Variants in ACOT7 observed in about 807,000 individuals in gnomAD.
The protein encoded by ACOT7 is cytosolic acyl coenzyme A thioester hydrolase.
ACOT7 carries 12 observed loss-of-function variants against 40.2 expected under a neutral mutation model. The ratio of observed to expected loss-of-function variants is 0.30; its 90% confidence interval spans 0.19 to 0.48. The LOEUF is 0.48. Ranked by LOEUF, ACOT7 falls within the 20% of genes least tolerant of loss-of-function variation. ACOT7 has a pLI of 0.99. For missense variants in ACOT7, 395 were observed against 530.8 expected (o/e 0.74, Z 2.51); for synonymous variants, 228 against 219.5 (o/e 1.04, Z -0.34).
At chr1:6,393,143 A>ATCGGCGGGCGGGGGCGGCC in intron 1 of ACOT7, 114 bp downstream of exon 1, 1 of 1,111,570 alleles carries the variant, frequency 9.0e-7, no homozygotes, top group Non-Finnish European at 1.1e-6. Flanking sequence ...CGTGCGGGGA[A>ATCGGCGGGCGGGGGCGGCC]TCGGCGGGCG....
In ACOT7 at chr1:6,274,435, A is replaced by AGC. The variant is rs1639130731; in HGVS notation, c.1014+6665_1014+6666dup. 6.6e-6 allele frequency among the ~76,000 whole-genome samples: 1 copy of AGC among 152,180 alleles called. No homozygotes were observed. The highest frequency in any genetic ancestry group is 2.4e-5 in the African/African-American group (1 of 41,444). The stretch of plus-strand genomic sequence containing the variant: ...GCCCATCCCGCCCCTCCAGCTGAAC[A>AGC]GCAGGTCAAACAGTGCCCTCCTTCC... On this transcript the variant is annotated intron_variant, in intron 8 of 8. Transcript: ENST00000361521. This position sits in a 1 kb window ranked among gnomAD's most constrained non-coding sequence, Gnocchi z 5.9.
chr1:6,265,088 G>A (rs1472735704), intron 8 of ACOT7, among the ~76,000 whole-genome samples: 1 of 152,212 alleles, frequency 6.6e-6, no homozygotes, highest in Non-Finnish European at 1.5e-5. Flanking sequence ...GGGCCTGTTT[G>A]CTACTGGACT....
At chr1:6,295,104 C>T (rs1639776195) in intron 6 of ACOT7, 124 bp from the exon 7 acceptor site, 3 of 661,298 alleles carry the variant, frequency 4.5e-6, no homozygotes, top group South Asian at 3.6e-5. Flanking sequence ...CCGCAGCCAG[C>T]AGGGGTGCAG....
intron 1 of ACOT7, among the ~76,000 whole-genome samples, chr1:6,387,749 A>G (rs1642462494): frequency 6.6e-6 from 1 of 152,194 alleles, no homozygotes; most frequent in African/African-American, 2.4e-5. Context: ...TGGCCCACTT[A>G]CAGCGTGAGG....
At position 6,278,079 on chromosome 1, in the gene ACOT7, T is replaced by TGGGG. The variant is rs1204245223; in HGVS notation, c.1014+3022_1014+3023insCCCC. Among the ~76,000 whole-genome samples the TGGGG allele has an allele frequency of 9.9e-6, 1 of 100,626 alleles. No homozygotes were observed. Among genetic ancestry groups the TGGGG allele is most frequent in the Admixed American group, 9.1e-5 (1 of 11,030 alleles). The allele number at this position is 100,626 out of a possible 152,430, so 66.0% of individuals were successfully genotyped here. A position where few individuals can be genotyped will look rare whatever the true frequency, so the allele number is the denominator to read the frequency against. On this transcript the variant is annotated intron_variant, in intron 8 of 8. Transcript: ENST00000361521. The surrounding 1 kb of genome is among the most constrained non-coding windows in gnomAD (Gnocchi z 4.1). ...CTGACAGTCCACGCAGCGTCTGCAG[T>TGGGG]GGCGGGGGGTGGTTGGGAGGGGGTC...
chr1:6,360,841 A>C (rs1358336692), intron 1 of ACOT7: 1 of 1,213,296 alleles, frequency 8.2e-7, no homozygotes, highest in Non-Finnish European at 1.1e-6. Context: ...ACCCACCCCA[A>C]ATCAGTGAGG....
intron 2 of ACOT7, 41 bp downstream of exon 2, chr1:6,349,708 G>A: frequency 1.3e-6 from 2 of 1,574,178 alleles, no homozygotes; most frequent in Admixed American, 3.6e-5. Context: ...TCACACTGGT[G>A]CGGCCTCCAG....
At chr1:6,378,059 G>A (rs550257241) in intron 1 of ACOT7, among the ~76,000 whole-genome samples, 6 of 150,354 alleles carry the variant, frequency 4.0e-5, no homozygotes, top group Non-Finnish European at 5.9e-5. Flanking sequence ...GACAGAGCAA[G>A]ACTCGTCAAA....
At chr1:6,364,298 T>C (rs1430768914) in intron 1 of ACOT7, among the ~76,000 whole-genome samples, 1 of 152,136 alleles carries the variant, frequency 6.6e-6, no homozygotes, top group Non-Finnish European at 1.5e-5. Context: ...TCCCAGCACT[T>C]TGGGAGGCCA....
intron 1 of ACOT7, among the ~76,000 whole-genome samples, chr1:6,392,914 G>A (rs1249294067): frequency 6.6e-6 from 1 of 152,092 alleles, no homozygotes; most frequent in Non-Finnish European, 1.5e-5. Flanking sequence ...AGGCGGGGCG[G>A]CCCACGGGCG....
At chr1:6,346,210 T>C (rs367898256) in intron 2 of ACOT7, among the ~76,000 whole-genome samples, 41 of 152,346 alleles carry the variant, frequency 2.7e-4, no homozygotes, top group East Asian at 9.6e-4. Flanking sequence ...CAGGTGATCC[T>C]GCTGCCTCAG....
intron 2 of ACOT7, among the ~76,000 whole-genome samples, chr1:6,348,124 T>G (rs913720282): frequency 1.3e-5 from 2 of 151,708 alleles, no homozygotes; most frequent in Non-Finnish European, 2.9e-5. Flanking sequence ...CAGAGGGTGC[T>G]CTCTGAACGT....
Sources: gnomAD v4.1 joint callset for allele counts (sites outside exome capture counted in the v4.1 genomes callset) on GRCh38, gnomAD v4.1.1 for gene constraint, Gnocchi (gnomAD v3.1) non-coding constraint, MANE v1.5 for transcripts, NCBI Gene and HGNC (gene_info 2026-07-23, HGNC 2026-07-21) for gene names.